The following DENND5B variants were observed in gnomAD, a reference collection of about 807,000 sequenced individuals.
DENND5B encodes DENN domain-containing protein 5B.
Under a neutral mutation model 140.6 loss-of-function variants are expected in DENND5B, and 34 were observed. The ratio of observed to expected loss-of-function variants is 0.24; its 90% confidence interval spans 0.18 to 0.32. The LOEUF is 0.32. DENND5B is among the 10% of genes least tolerant of loss of function. The probability of loss-of-function intolerance (pLI) is 1.00; values close to 1 mark genes in which losing one functional copy is unlikely to be tolerated. For missense variants in DENND5B, 1,142 were observed against 1,560.2 expected (o/e 0.73, Z 4.52); for synonymous variants, 551 against 562.1 (o/e 0.98, Z 0.28).
chr12:31,418,937 C>A (rs1321217125), intron 11 of DENND5B, among the ~76,000 whole-genome samples: 2 of 152,162 alleles, frequency 1.3e-5, no homozygotes, highest in East Asian at 1.9e-4. Context: ...GTGTGCCTGG[C>A]AATTCCTGTT....
intron 7 of DENND5B, among the ~76,000 whole-genome samples, chr12:31,437,658 C>G (rs553058898): frequency 6.6e-6 from 1 of 152,204 alleles, no homozygotes; most frequent in African/African-American, 2.4e-5. Flanking sequence ...GAGTTAATTG[C>G]AGATCGTACA....
At chr12:31,523,473 C>A (rs1947976161) in intron 1 of DENND5B, among the ~76,000 whole-genome samples, 1 of 152,048 alleles carries the variant, frequency 6.6e-6, no homozygotes, top group Non-Finnish European at 1.5e-5. Context: ...ATGCAGTGGC[C>A]TAAGTGTAAG....
chr12:31,573,926 T>C (rs1439159380), intron 1 of DENND5B, among the ~76,000 whole-genome samples: 1 of 150,786 alleles, frequency 6.6e-6, no homozygotes, highest in Non-Finnish European at 1.5e-5. Context: ...TAATAGCCAC[T>C]GTGCTCCATT....
At chr12:31,542,589 G>A (rs1335083315) in intron 1 of DENND5B, among the ~76,000 whole-genome samples, 2 of 152,156 alleles carry the variant, frequency 1.3e-5, no homozygotes, top group Non-Finnish European at 2.9e-5. Context: ...ATTATGCATT[G>A]AATGCATGTA....
rs1024706770 is a variant in DENND5B at position 31,541,331 on chromosome 12, A to G, written c.128-45412T>C. Among the ~76,000 whole-genome samples, 7 of 152,316 alleles carry G rather than the reference A, an allele frequency of 4.6e-5. No individual in the cohort carries two copies. The South Asian group carries it at 6.2e-4, about 14-fold the overall frequency. ...GGCAAGGGATTAATATCCAAAATAC[A>G]TAAGGAAGCTCATGCAACTCTACAG... is the stretch of plus-strand genomic sequence containing the variant. On this transcript the variant is annotated intron_variant, in intron 1 of 20. Transcript: ENST00000389082.
At chr12:31,426,781 G>A (rs538874262) in intron 8 of DENND5B, 1 of 227,072 alleles carries the variant, frequency 4.4e-6, no homozygotes, top group Non-Finnish European at 8.8e-6. Flanking sequence ...ACAAATCCAA[G>A]GTTCTGCAGG....
In DENND5B at chr12:31,384,921, AC is replaced by A. The variant is rs34115766; in HGVS notation, c.*2681del. ...AGCTGGAATTACAGGCCCTGCCACC[AC>A]CCCCCCGCTAATTTTTGTCTATTTT... On this transcript the variant is annotated 3_prime_UTR_variant, in exon 21 of 21. Coordinates refer to ENST00000389082, the MANE Select transcript of DENND5B (RefSeq NM_144973.4). 0.19 allele frequency: 27,878 copies of A among 144,890 alleles called. 2,885 individuals are homozygous for A. Among genetic ancestry groups the A allele is most frequent in the Non-Finnish European group, 0.25 (16,814 of 66,266 alleles). The allele number at this position is 144,890 out of a possible 1,614,324, so 9.0% of individuals were successfully genotyped here.
intron 2 of DENND5B, among the ~76,000 whole-genome samples, chr12:31,480,867 C>T (rs537121905): frequency 6.6e-6 from 1 of 152,234 alleles, no homozygotes; most frequent in Non-Finnish European, 1.5e-5. Flanking sequence ...AGCAGAAGCA[C>T]AGAAACAAGG....
intron 1 of DENND5B, among the ~76,000 whole-genome samples, chr12:31,588,591 T>C (rs1267019336): frequency 6.6e-6 from 1 of 152,194 alleles, no homozygotes; most frequent in Non-Finnish European, 1.5e-5. Context: ...AATCTAGAGA[T>C]GACAAAGTGT....
intron 1 of DENND5B, among the ~76,000 whole-genome samples, chr12:31,581,915 C>T (rs955818819): frequency 2.6e-5 from 4 of 152,150 alleles, no homozygotes; most frequent in Non-Finnish European, 5.9e-5. Context: ...CACATTCTCC[C>T]GTACACTTTA....
intron 1 of DENND5B, among the ~76,000 whole-genome samples, chr12:31,521,127 A>C (rs542471576): frequency 6.6e-6 from 1 of 150,530 alleles, no homozygotes; most frequent in African/African-American, 2.4e-5. Context: ...TAATTTCATC[A>C]TAAGGGATTG....
At chr12:31,489,775 C>T (rs371928798) in intron 2 of DENND5B, among the ~76,000 whole-genome samples, 2 of 152,048 alleles carry the variant, frequency 1.3e-5, no homozygotes, top group Non-Finnish European at 2.9e-5. Flanking sequence ...ACTAAGAGAA[C>T]CTAAGGTGAC....
At chr12:31,503,454 G>C (rs1259756350) in intron 1 of DENND5B, among the ~76,000 whole-genome samples, 1 of 152,190 alleles carries the variant, frequency 6.6e-6, no homozygotes, top group Non-Finnish European at 1.5e-5. Context: ...CAGCTACTCA[G>C]GAGGCTGAGG....
chr12:31,567,168 A>G (rs894275217), intron 1 of DENND5B, among the ~76,000 whole-genome samples: 7 of 152,174 alleles, frequency 4.6e-5, no homozygotes, highest in African/African-American at 1.2e-4. Context: ...TGCCAAATTC[A>G]TTAGCTGGGT....
At chr12:31,400,850 G>GTTTT (rs35592936) in intron 15 of DENND5B, among the ~76,000 whole-genome samples, 1 of 142,788 alleles carries the variant, frequency 7.0e-6, no homozygotes, top group Non-Finnish European at 1.5e-5. Context: ...TTTTTTTTTT[G>GTTTT]TTTTTTTTTT....
chr12:31,424,823 A>T, intron 9 of DENND5B, 136 bp from the exon 10 acceptor site: 2 of 1,143,546 alleles, frequency 1.7e-6, no homozygotes, highest in Non-Finnish European at 1.2e-6. Context: ...TGGGAAAAAA[A>T]TCTCTTAATC....
chr12:31,392,458 G>T, intron 18 of DENND5B, 65 bp from the exon 19 acceptor site: 1 of 1,594,242 alleles, frequency 6.3e-7, no homozygotes, highest in Non-Finnish European at 8.5e-7. Context: ...AAAAACACTA[G>T]AGAAGCAAGT....
intron 1 of DENND5B, among the ~76,000 whole-genome samples, chr12:31,515,385 T>C (rs1947594251): frequency 6.6e-6 from 1 of 152,208 alleles, no homozygotes; most frequent in Non-Finnish European, 1.5e-5. Flanking sequence ...ATTATTATTA[T>C]TGTAACAGTA....
chr12:31,545,916 A>C (rs1948838098), intron 1 of DENND5B, among the ~76,000 whole-genome samples: 1 of 134,294 alleles, frequency 7.4e-6, no homozygotes, highest in Admixed American at 7.9e-5. Context: ...ACAACACTGC[A>C]CTCCAGTATG....
Sources: allele counts gnomAD v4.1 joint callset (sites outside exome capture counted in the v4.1 genomes callset), GRCh38; gene constraint gnomAD v4.1.1; transcripts MANE v1.5; gene names NCBI Gene and HGNC (gene_info 2026-07-23, HGNC 2026-07-21).